The following CDH13 variants were observed in gnomAD, a reference collection of about 807,000 sequenced individuals.
CDH13 encodes cadherin-13.
Under a neutral mutation model 63.8 loss-of-function variants are expected in CDH13, and 24 were observed. The observed-to-expected ratio is 0.38, with a 90% CI of 0.27 to 0.53. The LOEUF (loss-of-function observed/expected upper bound fraction) is 0.53. Ranked by LOEUF, CDH13 falls within the 20% of genes least tolerant of loss-of-function variation. The pLI is 0.85. For synonymous variants in CDH13, 503 were observed against 355.3 expected, an observed-to-expected ratio of 1.42 and a Z score of -4.67; for missense variants, 1,049 against 903.1, an observed-to-expected ratio of 1.16 and a Z score of -2.07.
At chr16:82,804,834 A>T (rs150572438) in intron 1 of CDH13, among the ~76,000 whole-genome samples, 13 of 152,238 alleles carry the variant, frequency 8.5e-5, no homozygotes, top group Admixed American at 2.6e-4. Flanking sequence ...ATTGTAAAAC[A>T]TATTAAGAAA....
chr16:83,276,600 G>C (rs1338528780), intron 5 of CDH13, among the ~76,000 whole-genome samples: 1 of 152,166 alleles, frequency 6.6e-6, no homozygotes, highest in Non-Finnish European at 1.5e-5. Context: ...GCCAGGCGTG[G>C]TGGCTCGCGC....
chr16:83,078,578 C>G (rs1200145393), intron 3 of CDH13, among the ~76,000 whole-genome samples: 1 of 152,176 alleles, frequency 6.6e-6, no homozygotes, highest in Non-Finnish European at 1.5e-5. Context: ...GGCCAGGTTC[C>G]TAACAGGCCA....
chr16:83,762,140 T>C (rs1914022912), intron 11 of CDH13, among the ~76,000 whole-genome samples: 1 of 152,190 alleles, frequency 6.6e-6, no homozygotes, highest in Non-Finnish European at 1.5e-5. Context: ...AAAACAGAAA[T>C]GCTTTTGTTT....
chr16:82,955,797 C>G (rs1035087066), intron 2 of CDH13, among the ~76,000 whole-genome samples: 2 of 152,202 alleles, frequency 1.3e-5, no homozygotes, highest in Non-Finnish European at 2.9e-5. Flanking sequence ...GAATCTAAGG[C>G]AAGCTCTGCT....
chr16:83,103,322 C>G (rs2034599812), intron 3 of CDH13, among the ~76,000 whole-genome samples: 1 of 139,032 alleles, frequency 7.2e-6, no homozygotes, highest in Non-Finnish European at 1.5e-5. Flanking sequence ...TCAGCTCTCA[C>G]TGCAACCAGT....
chr16:83,650,413 T>G (rs11149591), intron 8 of CDH13, among the ~76,000 whole-genome samples: 151,907 of 152,248 alleles, frequency 1, 75,783 homozygotes, highest in Middle Eastern at 1. Flanking sequence ...TTTCCTATGA[T>G]GTTTGAATCT....
intron 6 of CDH13, among the ~76,000 whole-genome samples, chr16:83,468,675 T>C (rs2073379736): frequency 1.3e-5 from 2 of 152,148 alleles, no homozygotes; most frequent in South Asian, 4.1e-4. Flanking sequence ...TGCCTCTCCC[T>C]TTCTGTCTCT....
intron 2 of CDH13, among the ~76,000 whole-genome samples, chr16:82,871,733 T>G (rs1020586706): frequency 6.6e-6 from 1 of 152,172 alleles, no homozygotes; most frequent in African/African-American, 2.4e-5. Flanking sequence ...GTGAGTTGGC[T>G]TTGGAAACAC....
At chr16:83,745,304 T>G (rs1034926635) in intron 10 of CDH13, among the ~76,000 whole-genome samples, 1 of 152,152 alleles carries the variant, frequency 6.6e-6, no homozygotes, top group African/African-American at 2.4e-5. Context: ...ACATCCACTT[T>G]GCAGGACAAA....
intron 1 of CDH13, among the ~76,000 whole-genome samples, chr16:82,843,559 G>A (rs1299440668): frequency 6.6e-6 from 1 of 152,104 alleles, no homozygotes; most frequent in Non-Finnish European, 1.5e-5. Context: ...TTTTCAGAGT[G>A]AGAACCTTTA....
chr16:82,765,404 G>T (rs955627495), intron 1 of CDH13, among the ~76,000 whole-genome samples: 1 of 152,092 alleles, frequency 6.6e-6, no homozygotes, highest in Non-Finnish European at 1.5e-5. Flanking sequence ...AGCTCTAAAA[G>T]TCTTAAATGG....
At chr16:83,116,357 T>G (rs72798376) in intron 3 of CDH13, among the ~76,000 whole-genome samples, 1 of 152,048 alleles carries the variant, frequency 6.6e-6, no homozygotes, top group Non-Finnish European at 1.5e-5. Context: ...AGTTGCTGAC[T>G]GCAGGTAGCT....
In CDH13 at chr16:83,497,090, G is replaced by A. The variant is rs534241840; in HGVS notation, c.960+10435G>A. 2.0e-5 allele frequency among the ~76,000 whole-genome samples: 3 copies of A among 152,320 alleles called. No individual in the cohort carries two copies. In the South Asian group the frequency reaches 6.2e-4, roughly 32 times the overall value. On this transcript the variant is annotated intron_variant, in intron 7 of 13. Coordinates refer to ENST00000567109, the MANE Select transcript of CDH13 (RefSeq NM_001257.5). ...ACTGTAAAGTAGTTCAACCATTGTGGAAGTCAGTGTGGCGTTTCCTCAGGG... is the reference window on the plus strand; with the variant it reads ...ACTGTAAAGTAGTTCAACCATTGTGAAAGTCAGTGTGGCGTTTCCTCAGGG...
intron 7 of CDH13, among the ~76,000 whole-genome samples, chr16:83,572,030 G>A (rs1904672096): frequency 6.6e-6 from 1 of 152,164 alleles, no homozygotes; most frequent in Non-Finnish European, 1.5e-5. Context: ...CATGTCACAG[G>A]TTGCGGTGAG....
chr16:82,695,609 C>T (rs189543468), intron 1 of CDH13, among the ~76,000 whole-genome samples: 30 of 152,264 alleles, frequency 2.0e-4, no homozygotes, highest in Non-Finnish European at 1.5e-4. Context: ...TCTCTGGGTC[C>T]ACTCAAGCTT....
intron 6 of CDH13, among the ~76,000 whole-genome samples, chr16:83,382,692 T>G (rs1437565519): frequency 3.3e-5 from 5 of 152,156 alleles, no homozygotes; most frequent in Non-Finnish European, 7.3e-5. Context: ...TTTCCCTTCT[T>G]AAAAATACCT....
intron 1 of CDH13, among the ~76,000 whole-genome samples, chr16:82,819,119 T>C (rs1018040705): frequency 1.3e-5 from 2 of 152,186 alleles, no homozygotes; most frequent in African/African-American, 4.8e-5. Context: ...ACATTCCACA[T>C]AGAGATTGGA....
intron 1 of CDH13, among the ~76,000 whole-genome samples, chr16:82,764,152 G>A (rs1597502633): frequency 6.6e-6 from 1 of 152,128 alleles, no homozygotes. Flanking sequence ...GGTGTTATTT[G>A]TATTATTATT....
At position 83,799,172 on chromosome 16, in the gene CDH13, G is replaced by T. The variant is rs1464592768; in HGVS notation, c.*4142G>T. On this transcript the variant is annotated 3_prime_UTR_variant, in exon 14 of 14. Transcript: ENST00000567109. ...ACTAAAAAATACAAAAATTAGCTGG[G>T]TGTGGTGGTGCACACCTGAAACCCC... 3 of 152,054 alleles carry T rather than the reference G, an allele frequency of 2.0e-5. No homozygotes were observed. Among genetic ancestry groups the T allele is most frequent in the Admixed American group, 6.6e-5 (1 of 15,244 alleles). The allele number at this position is 152,054 out of a possible 1,614,324, so 9.4% of individuals were successfully genotyped here.
Sources: gnomAD v4.1 joint callset for allele counts (sites outside exome capture counted in the v4.1 genomes callset) on GRCh38, gnomAD v4.1.1 for gene constraint, MANE v1.5 for transcripts, NCBI Gene and HGNC (gene_info 2026-07-23, HGNC 2026-07-21) for gene names.